The following CHN2 variants were observed in gnomAD, a reference collection of about 807,000 sequenced individuals.
The protein encoded by CHN2 is beta-chimaerin.
Under a neutral mutation model 56.3 loss-of-function variants are expected in CHN2, and 35 were observed. The ratio of observed to expected loss-of-function variants is 0.62; its 90% CI spans 0.47 to 0.82. The LOEUF (loss-of-function observed/expected upper bound fraction) is 0.82. CHN2 is among the 40% of genes least tolerant of loss of function. CHN2 has a pLI of 0.00. For synonymous variants in CHN2, 210 were observed against 212.8 expected, an observed-to-expected ratio of 0.99 and a Z score of 0.12; for missense variants, 491 against 580.5, an observed-to-expected ratio of 0.85 and a Z score of 1.58.
At position 29,400,742 on chromosome 7, in the gene CHN2, G is replaced by C; in HGVS notation, c.490G>C (p.Glu164Gln). The C allele has an allele frequency of 1.2e-6, 2 of 1,614,142 alleles. No homozygotes were observed. The highest frequency in any genetic ancestry group is 2.2e-5 in the East Asian group (1 of 44,872). Reference protein sequence around the residue: ...EHIGYATLLREKVSRRLSRSK... With the variant: ...EHIGYATLLRQKVSRRLSRSK... Reference sequence around the variant, plus strand: ...CATTGGATATGCCACCCTACTCAGAGAAAAAGTATCCAGAAGGCTGAGCAG... The same window carrying C: ...CATTGGATATGCCACCCTACTCAGACAAAAAGTATCCAGAAGGCTGAGCAG... Residue 164 changes from glutamate to glutamine, a missense_variant, in exon 6 of 13, where the codon GAA becomes CAA. Transcript: ENST00000222792.
intron 1 of CHN2, among the ~76,000 whole-genome samples, chr7:29,283,604 A>G (rs1791904006): frequency 6.6e-6 from 1 of 152,060 alleles, no homozygotes; most frequent in Non-Finnish European, 1.5e-5. Context: ...AGCTCTTTAT[A>G]TTTATATTTT....
intron 1 of CHN2, among the ~76,000 whole-genome samples, chr7:29,205,704 C>T (rs1722495459): frequency 6.6e-6 from 1 of 152,130 alleles, no homozygotes; most frequent in African/African-American, 2.4e-5. Context: ...TTTCTCTACT[C>T]TATGTAAAGC....
rs1243521820 is a variant in CHN2 at position 29,413,772 on chromosome 7, C to T, written c.576+12944C>T. Among the ~76,000 whole-genome samples, 3 of 152,332 alleles carry T rather than the reference C, an allele frequency of 2.0e-5. No individual in the cohort carries two copies. The East Asian group carries it at 5.8e-4, about 29-fold the overall frequency. On this transcript the variant is annotated intron_variant, in intron 6 of 12. Transcript: ENST00000222792. ...ACAGGCTGTACTTTCCACTGGACCA[C>T]ATTGACACAGTGAGCAGATTTGCTG...
chr7:29,328,847 TA>T (rs909406683), intron 1 of CHN2, among the ~76,000 whole-genome samples: 43 of 152,176 alleles, frequency 2.8e-4, no homozygotes, highest in Middle Eastern at 3.4e-3. Context: ...AATTGGAAGT[TA>T]AAAAAAGAAA....
At chr7:29,439,527 T>C (rs1783477039) in intron 6 of CHN2, among the ~76,000 whole-genome samples, 1 of 152,180 alleles carries the variant, frequency 6.6e-6, no homozygotes, top group Non-Finnish European at 1.5e-5. Context: ...GTCGCCCCTC[T>C]AAGAAGGTCT....
intron 1 of CHN2, among the ~76,000 whole-genome samples, chr7:29,348,988 TA>T (rs1797680131): frequency 6.6e-6 from 1 of 152,208 alleles, no homozygotes; most frequent in Non-Finnish European, 1.5e-5. Flanking sequence ...TTATATTTAA[TA>T]AATTATTTTA....
At chr7:29,480,384 T>A (rs776888965) in intron 7 of CHN2, 28 bp downstream of exon 7, 2 of 1,608,312 alleles carry the variant, frequency 1.2e-6, no homozygotes, top group East Asian at 4.5e-5. Context: ...TTCCTTCTTC[T>A]GTTACAAAAG....
intron 1 of CHN2, among the ~76,000 whole-genome samples, chr7:29,331,066 G>A (rs550865126): frequency 6.6e-6 from 1 of 152,276 alleles, no homozygotes; most frequent in Admixed American, 6.5e-5. Context: ...CTCCTTTTGG[G>A]CAACGTATAT....
intron 1 of CHN2, among the ~76,000 whole-genome samples, chr7:29,223,725 C>T (rs913280838): frequency 6.6e-6 from 1 of 152,026 alleles, no homozygotes; most frequent in African/African-American, 2.4e-5. Context: ...AAAAATATTG[C>T]TATGAATATT....
intron 6 of CHN2, among the ~76,000 whole-genome samples, chr7:29,419,888 C>G (rs886121446): frequency 2.0e-5 from 3 of 151,872 alleles, no homozygotes; most frequent in Non-Finnish European, 2.9e-5. Flanking sequence ...GGTGAAACCC[C>G]GTCTCTACTA....
upstream of CHN2, chr7:29,192,149 A>T (rs245922): frequency 0.25 from 37,642 of 152,092 alleles, 5,370 homozygotes; most frequent in African/African-American, 0.39. Context: ...CTCCCCCATC[A>T]GCACTTCTCT....
At chr7:29,388,855 G>T (rs2128068454) in intron 3 of CHN2, among the ~76,000 whole-genome samples, 1 of 152,330 alleles carries the variant, frequency 6.6e-6, no homozygotes, top group Middle Eastern at 3.4e-3. Flanking sequence ...TGTGTGGACT[G>T]TGGATAGTAG....
At chr7:29,416,068 C>T (rs1803709201) in intron 6 of CHN2, among the ~76,000 whole-genome samples, 1 of 152,180 alleles carries the variant, frequency 6.6e-6, no homozygotes, top group African/African-American at 2.4e-5. Flanking sequence ...GCTGCGTTAA[C>T]CTACAGGGCT....
At chr7:29,346,758 G>A (rs1384232272) in intron 1 of CHN2, among the ~76,000 whole-genome samples, 1 of 152,202 alleles carries the variant, frequency 6.6e-6, no homozygotes. Flanking sequence ...TGAGCCGAGT[G>A]AAGGAATCTG....
chr7:29,278,582 C>T (rs2128856994), intron 1 of CHN2, among the ~76,000 whole-genome samples: 1 of 152,314 alleles, frequency 6.6e-6, no homozygotes, highest in South Asian at 2.1e-4. Context: ...TCTTGCTTCT[C>T]TAGGGCTGGT....
chr7:29,459,872 A>G (rs1183364815), intron 6 of CHN2, among the ~76,000 whole-genome samples: 1 of 152,188 alleles, frequency 6.6e-6, no homozygotes, highest in Non-Finnish European at 1.5e-5. Flanking sequence ...GGCAACCACA[A>G]GAAGAGGCAG....
At chr7:29,494,348 A>G (rs992711049) in intron 7 of CHN2, among the ~76,000 whole-genome samples, 3 of 152,062 alleles carry the variant, frequency 2.0e-5, no homozygotes, top group South Asian at 2.1e-4. Flanking sequence ...CAGATTAACA[A>G]TTGACTTTGC....
Position 29,507,263 on chromosome 7 carries a change from C to T in CHN2, c.1027C>T (p.Pro343Ser). Reference protein sequence around the residue: ...EKADISANVYPDINIITGALK... With the variant: ...EKADISANVYSDINIITGALK... The stretch of plus-strand genomic sequence containing the variant: ...GGCCGATATATCTGCCAATGTCTAT[C>T]CAGACATAAACATCATCACTGGAGC... The change falls in exon 11 of 13, where the codon CCA (proline) becomes TCA (serine). Residue 343 changes from proline to serine, a missense_variant. Physicochemically the swap from Pro to Ser is moderately conservative, Grantham distance 74. Coordinates refer to ENST00000222792, the MANE Select transcript of CHN2 (RefSeq NM_004067.4). The T allele has an allele frequency of 6.2e-7, 1 of 1,611,986 alleles. No homozygotes were observed. Among genetic ancestry groups the T allele is most frequent in the Non-Finnish European group, 8.5e-7 (1 of 1,179,144 alleles).
chr7:29,307,210 CCT>C (rs1280642626), intron 1 of CHN2, among the ~76,000 whole-genome samples: 4 of 152,160 alleles, frequency 2.6e-5, no homozygotes, highest in Admixed American at 2.0e-4. Context: ...GGGTCTGCAG[CCT>C]CTTTTATACA....
Sources: gnomAD v4.1 joint callset for allele counts (sites outside exome capture counted in the v4.1 genomes callset) on GRCh38, gnomAD v4.1.1 for gene constraint, MANE v1.5 for transcripts, NCBI Gene and HGNC (gene_info 2026-07-23, HGNC 2026-07-21) for gene names.